Variants in UNC13D observed in about 807,000 individuals in gnomAD.
The protein encoded by UNC13D is protein unc-13 homolog D.
UNC13D carries 115 observed loss-of-function variants against 151.7 expected under a neutral mutation model. The observed-to-expected ratio is 0.76, with a 90% CI of 0.65 to 0.88. The LOEUF (loss-of-function observed/expected upper bound fraction) is 0.88, where lower values mean the gene tolerates loss of function less well. Among genes scored for constraint, UNC13D ranks in the 40% least tolerant of loss-of-function variants. UNC13D has a pLI of 0.00. For missense variants in UNC13D, 1,369 were observed against 1,438.7 expected (o/e 0.95, Z 0.78); for synonymous variants, 588 against 612.2 (o/e 0.96, Z 0.58).
At chr17:75,838,602 C>T (rs890304825) in intron 12 of UNC13D, among the ~76,000 whole-genome samples, 4 of 152,136 alleles carry the variant, frequency 2.6e-5, no homozygotes, top group African/African-American at 7.2e-5. Context: ...TAGGACTTGA[C>T]GTGAGTTGCC....
rs1276293925 is a variant in UNC13D, at chr17:75,828,980, C to T, written c.2958G>A (p.Leu986=). 1.9e-6 allele frequency: 3 copies of T among 1,602,676 alleles called. No homozygotes were observed. The highest frequency in any genetic ancestry group is 1.3e-5 in the African/African-American group (1 of 74,904). The part of the protein sequence containing the change: ...HPLFDETFEF[L]VPAEPCRKAG... The stretch of plus-strand genomic sequence containing the variant: ...CCTTGCGGCACGGCTCAGCAGGCAC[C>T]AGGCTGCGGGGAGAGTCAGGGCTCT... The change falls in exon 31 of 32, where the codon CTG becomes CTA. Residue 986 remains leucine (L), a synonymous_variant. Coordinates refer to ENST00000207549, the MANE Select transcript of UNC13D (RefSeq NM_199242.3).
rs1242042328 is a variant in UNC13D at position 75,835,482 on chromosome 17, G to A, written c.1775C>T (p.Ala592Val). Residue 592 changes from alanine (A) to valine (V), a missense_variant, in exon 20 of 32, where the codon GCC becomes GTC. Ala to Val is a moderately conservative substitution (Grantham distance 64). Transcript: ENST00000207549. ...LDNFHRWFQP[A>V]IPSWLQKTYN... ...CGTCTTCTGCAGCCAGGAGGGGATGGCCGGCTGGAACCAGCGGTGGAAATT... is the reference window on the plus strand; with the variant it reads ...CGTCTTCTGCAGCCAGGAGGGGATGACCGGCTGGAACCAGCGGTGGAAATT... 5 of 1,612,218 alleles carry A rather than the reference G, an allele frequency of 3.1e-6. No homozygotes were observed. Among genetic ancestry groups the A allele is most frequent in the Non-Finnish European group, 4.2e-6 (5 of 1,179,344 alleles).
intron 6 of UNC13D, among the ~76,000 whole-genome samples, chr17:75,841,881 T>G (rs1383358411): frequency 6.6e-6 from 1 of 151,924 alleles, no homozygotes; most frequent in Non-Finnish European, 1.5e-5. Context: ...TCCGAGTAGC[T>G]GGGACTACAG....
In UNC13D at chr17:75,834,698, G is replaced by T. The variant is rs770350272; in HGVS notation, c.2011C>A (p.Leu671Met). 3 of 1,613,610 alleles carry T rather than the reference G, an allele frequency of 1.9e-6. No individual in the cohort carries two copies. The African/African-American group carries it at 4.0e-5, about 22-fold the overall frequency. Residue 671 changes from leucine (L) to methionine (M), a missense_variant, in exon 22 of 32, where the codon CTG (leucine) becomes ATG (methionine). Physicochemically the swap from Leu to Met is conservative, Grantham distance 15 (BLOSUM62 2). Coordinates refer to ENST00000207549, the MANE Select transcript of UNC13D (RefSeq NM_199242.3). Reference protein sequence around the residue: ...KFVEDTCRLALVYCSLIKARA... With the variant: ...KFVEDTCRLAMVYCSLIKARA... ...GCCTTTATAAGGCTGCAGTACACCA[G>T]GGCCAGGCGACAGGTGTCCTAGGGT...
intron 21 of UNC13D, 60 bp downstream of exon 21, chr17:75,834,860 G>T: frequency 6.2e-7 from 1 of 1,613,230 alleles, no homozygotes; most frequent in South Asian, 1.1e-5. Context: ...CGGGAGAAAC[G>T]GTGGGTGGTA....
chr17:75,834,503 TGCTCCATGTCATTCACCACCACACACA>T lies in UNC13D; in HGVS notation c.2093_2119del (p.Leu698_Glu706del). On this transcript the variant is annotated inframe_deletion and splice_region_variant, in exon 23 of 32. Coordinates refer to ENST00000207549, the MANE Select transcript of UNC13D (RefSeq NM_199242.3). Reference sequence around the variant, plus strand: ...CAACTTGCCGATCACCAGCCGCAGCTGCTCCATGTCATTCACCACCACACACAGCTGGGACAGAGATGCAGAGCTTCC... The same window carrying T: ...CAACTTGCCGATCACCAGCCGCAGCTGCTGGGACAGAGATGCAGAGCTTCC... The T allele has an allele frequency of 2.5e-6, 4 of 1,580,098 alleles. No homozygotes were observed. The highest frequency in any genetic ancestry group is 3.4e-6 in the Non-Finnish European group (4 of 1,163,540).
At position 75,830,144 on chromosome 17, in the gene UNC13D, G is replaced by A. The variant is rs185682655; in HGVS notation, c.2838C>T (p.Ser946=). ...SLLPLDSNGS[S]DPFVQLTLEP... is the part of the protein sequence containing the mutation. ...CCAAGGTCAGCTGGACAAAGGGGTCGCTGGAGCCTGGTAAGTGGCCGGGGA... is the reference window on the plus strand; with the variant it reads ...CCAAGGTCAGCTGGACAAAGGGGTCACTGGAGCCTGGTAAGTGGCCGGGGA... Residue 946 remains serine, a synonymous_variant, in exon 30 of 32, where the codon AGC becomes AGT. Transcript: ENST00000207549. The A allele has an allele frequency of 6.9e-6, 11 of 1,589,544 alleles. No individual in the cohort carries two copies. Among genetic ancestry groups the A allele is most frequent in the African/African-American group, 6.7e-5 (5 of 74,382 alleles).
Position 75,835,503 on chromosome 17 carries a change from A to G in UNC13D, c.1754T>C (p.Phe585Ser). ...ERDGVLALDN[F>S]HRWFQPAIPS... ...GATGGCCGGCTGGAACCAGCGGTGG[A>G]AATTATCCAGGGCCAGGACTCCATC... is the stretch of plus-strand genomic sequence containing the variant. The change falls in exon 20 of 32, where the codon TTC (phenylalanine) becomes TCC (serine). Residue 585 changes from phenylalanine (F) to serine (S), a missense_variant. Phe to Ser is a radical substitution (Grantham distance 155, BLOSUM62 -2). Around this residue, in one of 3 missense-constraint regions of UNC13D, gnomAD observed 807 missense variants for 795.5 expected, o/e 1.01. Coordinates refer to ENST00000207549, the MANE Select transcript of UNC13D (RefSeq NM_199242.3). 1 of 1,608,898 alleles carries G rather than the reference A, an allele frequency of 6.2e-7. No homozygotes were observed. The highest frequency in any genetic ancestry group is 1.7e-4 in the Middle Eastern group (1 of 6,032).
At position 75,835,073 on chromosome 17, in the gene UNC13D, G is replaced by C; in HGVS notation, c.1849-10C>G. ...CACCCAGGGGCACCAGCTGGGGGAA[G>C]AAAGGAGGACTCAGGATACTGCCAA... On this transcript the variant is annotated splice_polypyrimidine_tract_variant and intron_variant, in intron 20 of 31. Transcript: ENST00000207549. The C allele has an allele frequency of 6.2e-7, 1 of 1,613,706 alleles. No individual in the cohort carries two copies. Among genetic ancestry groups the C allele is most frequent in the Non-Finnish European group, 8.5e-7 (1 of 1,180,006 alleles).
intron 20 of UNC13D, 87 bp downstream of exon 20, chr17:75,835,322 G>T: frequency 6.5e-7 from 1 of 1,542,582 alleles, no homozygotes; most frequent in Non-Finnish European, 8.8e-7. Flanking sequence ...CGGGTTACTG[G>T]CTTTTACTAC....
At position 75,840,730 on chromosome 17, in the gene UNC13D, A is replaced by G; in HGVS notation, c.683+32T>C. On this transcript the variant is annotated intron_variant, in intron 8 of 31. Transcript: ENST00000207549. This position sits in a 1 kb window ranked among gnomAD's most constrained non-coding sequence, Gnocchi z 4.6. ...GGGGATGGAGGGCAAAAGGAGCCCC[A>G]ACCCCTTCCCTGTGAGCCCTGCAAC... 6.2e-7 allele frequency: 1 copy of G among 1,613,534 alleles called. No homozygotes were observed. The highest frequency in any genetic ancestry group is 8.5e-7 in the Non-Finnish European group (1 of 1,179,748).
Position 75,828,034 on chromosome 17 carries a change from C to G in UNC13D, c.3204G>C (p.Gln1068His), listed in dbSNP as rs1342086401. ...LEGRKGDREAQVFVRLRRHRA... is the reference protein window; with the variant it reads ...LEGRKGDREAHVFVRLRRHRA... ...GGTGCCGCCGCAGCCTCACAAAGACCTGGGCTTCTCGGTCACCCTTCCGGC... is the reference window on the plus strand; with the variant it reads ...GGTGCCGCCGCAGCCTCACAAAGACGTGGGCTTCTCGGTCACCCTTCCGGC... Residue 1068 changes from glutamine (Q) to histidine (H), a missense_variant, in exon 32 of 32, where the codon CAG (glutamine) becomes CAC (histidine). Coordinates refer to ENST00000207549, the MANE Select transcript of UNC13D (RefSeq NM_199242.3). 3 of 1,584,652 alleles carry G rather than the reference C, an allele frequency of 1.9e-6. No individual in the cohort carries two copies. The highest frequency in any genetic ancestry group is 3.6e-5 in the Admixed American group (2 of 55,730).
At chr17:75,838,791 C>T (rs536619622) in intron 12 of UNC13D, among the ~76,000 whole-genome samples, 53 of 152,314 alleles carry the variant, frequency 3.5e-4, no homozygotes, top group African/African-American at 1.2e-3. Flanking sequence ...CACATCGCTC[C>T]GCTCTGTCCA....
At position 75,827,248 on chromosome 17, in the gene UNC13D, T is replaced by G; in HGVS notation, c.*717A>C. On this transcript the variant is annotated 3_prime_UTR_variant, in exon 32 of 32. Coordinates refer to ENST00000207549, the MANE Select transcript of UNC13D (RefSeq NM_199242.3). ...TATTTTAAGAGGACAATGGATTTGT[T>G]TTTATTAATTTTTTTGCTAAGAAAG... is the stretch of plus-strand genomic sequence containing the variant. 2.4e-6 allele frequency: 1 copy of G among 418,238 alleles called. No homozygotes were observed. Among genetic ancestry groups the G allele is most frequent in the Non-Finnish European group, 4.1e-6 (1 of 242,184 alleles). 25.9% of individuals were successfully genotyped at this position (418,238 alleles called of 1,614,324 possible).
rs181621682 is a variant in UNC13D at position 75,831,134 on chromosome 17, G to C, written c.2589C>G (p.Gly863=). 1.2e-6 allele frequency: 2 copies of C among 1,614,010 alleles called. No individual in the cohort carries two copies. Among genetic ancestry groups the C allele is most frequent in the East Asian group, 2.2e-5 (1 of 44,866 alleles). Residue 863 remains glycine (G), a synonymous_variant, in exon 27 of 32, where the codon GGC becomes GGG. Coordinates refer to ENST00000207549, the MANE Select transcript of UNC13D (RefSeq NM_199242.3). The part of the protein sequence containing the change: ...LEICFHAEGC[G]LPPKALHTAT... ...CAGTGTGCAGGGCCTTGGGTGGCAG[G>C]CCACAGCCCTCAGCGTGGAAGCAGA...
At position 75,839,859 on chromosome 17, in the gene UNC13D, G is replaced by A. The variant is rs1272101667; in HGVS notation, c.1035C>T (p.Ser345=). The A allele has an allele frequency of 1.9e-5, 31 of 1,613,722 alleles. No individual in the cohort carries two copies. The highest frequency in any genetic ancestry group is 5.0e-5 in the Admixed American group (3 of 59,992). The change falls in exon 12 of 32, where the codon TCC becomes TCT. Residue 345 remains serine (S), a synonymous_variant. Transcript: ENST00000207549. ...LFLHATQKDL[S]DFHQSMAQWL... ...CTCACGCCATGGACTGGTGGAAGTCGGATAGGTCCTTCTGTGTGGCGTGCA... is the reference window on the plus strand; with the variant it reads ...CTCACGCCATGGACTGGTGGAAGTCAGATAGGTCCTTCTGTGTGGCGTGCA...
chr17:75,836,498 C>T, intron 14 of UNC13D, 69 bp from the exon 15 acceptor site: 1 of 1,612,550 alleles, frequency 6.2e-7, no homozygotes, highest in Non-Finnish European at 8.5e-7. Context: ...TCCAACAATT[C>T]TCCCACTCCT....
chr17:75,828,033 C>A lies in UNC13D; in HGVS notation c.3205G>T (p.Val1069Phe). The change falls in exon 32 of 32, where the codon GTC (valine) becomes TTC (phenylalanine). Residue 1069 changes from valine (V) to phenylalanine (F), a missense_variant. Around this residue, in one of 3 missense-constraint regions of UNC13D, gnomAD observed 807 missense variants for 795.5 expected, o/e 1.01. Transcript: ENST00000207549. Reference sequence around the variant, plus strand: ...CGGTGCCGCCGCAGCCTCACAAAGACCTGGGCTTCTCGGTCACCCTTCCGG... The same window carrying A: ...CGGTGCCGCCGCAGCCTCACAAAGAACTGGGCTTCTCGGTCACCCTTCCGG... Reference protein sequence around the residue: ...EGRKGDREAQVFVRLRRHRAK... With the variant: ...EGRKGDREAQFFVRLRRHRAK... 1 of 1,586,250 alleles carries A rather than the reference C, an allele frequency of 6.3e-7. No individual in the cohort carries two copies. The highest frequency in any genetic ancestry group is 1.1e-5 in the South Asian group (1 of 87,444).
intron 12 of UNC13D, among the ~76,000 whole-genome samples, chr17:75,839,437 G>T (rs1285052925): frequency 6.6e-6 from 1 of 150,664 alleles, no homozygotes; most frequent in Non-Finnish European, 1.5e-5. Context: ...GCAAAATGAT[G>T]ACCCTGCAGT....
Sources: allele counts gnomAD v4.1 joint callset (sites outside exome capture counted in the v4.1 genomes callset), GRCh38; gene constraint gnomAD v4.1.1; regional missense constraint gnomAD v4.1.1; non-coding constraint Gnocchi (gnomAD v3.1); transcripts MANE v1.5; gene names NCBI Gene and HGNC (gene_info 2026-07-23, HGNC 2026-07-21).